STPG2: variants seen among roughly 807,000 people sequenced by gnomAD.
STPG2 encodes the protein sperm-tail PG-rich repeat-containing protein 2.
In STPG2, 56 loss-of-function variants were observed where a neutral mutation model predicts 54.2. The ratio of observed to expected loss-of-function variants is 1.03; its 90% confidence interval spans 0.83 to 1.29. The LOEUF is 1.29. Among genes scored for constraint, STPG2 ranks in the 50% most tolerant of loss-of-function variants. STPG2 has a pLI of 0.00. For synonymous variants in STPG2, 200 were observed against 181.8 expected, an observed-to-expected ratio of 1.10 and a Z score of -0.81; for missense variants, 596 against 544.9, an observed-to-expected ratio of 1.09 and a Z score of -0.93.
chr4:97,922,856 G>T (rs1372794211), intron 8 of STPG2, among the ~76,000 whole-genome samples: 1 of 151,498 alleles, frequency 6.6e-6, no homozygotes, highest in Non-Finnish European at 1.5e-5. Flanking sequence ...TTTTTTCCCG[G>T]TGTCATTATG....
chr4:97,681,008 G>A (rs1204321105), intron 10 of STPG2, among the ~76,000 whole-genome samples: 1 of 151,752 alleles, frequency 6.6e-6, no homozygotes, highest in Admixed American at 6.6e-5. Context: ...TTTTATTTAT[G>A]TTATTTGTGA....
At chr4:97,870,793 A>G (rs1202323744) in intron 8 of STPG2, among the ~76,000 whole-genome samples, 2 of 151,274 alleles carry the variant, frequency 1.3e-5, no homozygotes, top group African/African-American at 4.8e-5. Flanking sequence ...GTAGAAATAA[A>G]CAATACACCA....
intron 4 of STPG2, among the ~76,000 whole-genome samples, chr4:97,498,106 G>A (rs546226642): frequency 6.6e-6 from 1 of 151,848 alleles, no homozygotes; most frequent in African/African-American, 2.4e-5. Context: ...GTGTGATTAG[G>A]GCATTTGTTT....
At chr4:98,095,402 CCA>C (rs1422544250) in intron 5 of STPG2, among the ~76,000 whole-genome samples, 3 of 152,032 alleles carry the variant, frequency 2.0e-5, no homozygotes, top group African/African-American at 7.2e-5. Flanking sequence ...TTTCAAAGAC[CCA>C]GTGTTATGCT....
intron 5 of STPG2, among the ~76,000 whole-genome samples, chr4:98,093,229 C>A (rs1261229005): frequency 6.6e-6 from 1 of 151,992 alleles, no homozygotes; most frequent in Non-Finnish European, 1.5e-5. Context: ...TTGCCAAAGG[C>A]AAGACATTCC....
chr4:97,865,176 T>C (rs190966418), intron 8 of STPG2, among the ~76,000 whole-genome samples: 295 of 151,700 alleles, frequency 1.9e-3, no homozygotes, highest in African/African-American at 7.0e-3. Context: ...TGGGAGAAAA[T>C]TTTTGCAATC....
intron 8 of STPG2, among the ~76,000 whole-genome samples, chr4:97,903,965 G>C (rs745963138): frequency 7.2e-5 from 11 of 152,158 alleles, no homozygotes; most frequent in Admixed American, 2.6e-4. Context: ...ACAGAGTCTC[G>C]CTGATTGCTA....
intron 4 of STPG2, chr4:97,463,653 T>C (rs1441555473): frequency 2.0e-5 from 3 of 152,220 alleles, no homozygotes; most frequent in African/African-American, 7.2e-5. Context: ...TTTCACCATG[T>C]TGGCCAAGCT....
chr4:97,623,622 A>T (rs1382318436), intron 10 of STPG2, among the ~76,000 whole-genome samples: 19 of 152,176 alleles, frequency 1.2e-4, no homozygotes, highest in Admixed American at 3.3e-4. Flanking sequence ...TGGAGAAAAA[A>T]TTTTTAAAAA....
rs570366864 is a variant in STPG2, at chr4:97,910,513, G to A, written c.1044+33384C>T. Among the ~76,000 whole-genome samples, 36 of 152,256 alleles carry A rather than the reference G, an allele frequency of 2.4e-4. 1 individual carries two copies. Among genetic ancestry groups the A allele is most frequent in the Admixed American group, 9.8e-4 (15 of 15,296 alleles). ...AAACAGAACAGAAAAGTACTGTGGCGTTTTTAAGCACCAAATTGACATCTG... is the reference window on the plus strand; with the variant it reads ...AAACAGAACAGAAAAGTACTGTGGCATTTTTAAGCACCAAATTGACATCTG... On this transcript the variant is annotated intron_variant, in intron 8 of 10. Coordinates refer to ENST00000295268, the MANE Select transcript of STPG2 (RefSeq NM_174952.3).
At chr4:97,568,418 G>A (rs1367560033) in intron 10 of STPG2, among the ~76,000 whole-genome samples, 1 of 151,996 alleles carries the variant, frequency 6.6e-6, no homozygotes, top group Non-Finnish European at 1.5e-5. Flanking sequence ...ATAGTGGAAG[G>A]GAGAAAGACA....
chr4:97,619,885 G>C (rs1578429375), intron 10 of STPG2, among the ~76,000 whole-genome samples: 1 of 149,394 alleles, frequency 6.7e-6, no homozygotes, highest in African/African-American at 2.5e-5. Context: ...GTGCAGTGGC[G>C]CAATCTCGGC....
Position 97,971,537 on chromosome 4 carries a change from C to A in STPG2, c.933+743G>T, listed in dbSNP as rs117734471. Among the ~76,000 whole-genome samples, 238 of 152,180 alleles carry A rather than the reference C, an allele frequency of 1.6e-3. 3 individuals carry two copies. In the East Asian group the frequency reaches 0.026, roughly 16 times the overall value. ...GCTGAAAACCATCATTCTCAGCAAA[C>A]TAACACAAGGAAAGACGACCACACA... On this transcript the variant is annotated intron_variant, in intron 7 of 10. Coordinates refer to ENST00000295268, the MANE Select transcript of STPG2 (RefSeq NM_174952.3).
At chr4:97,711,015 AATAT>A (rs1724096899) in intron 10 of STPG2, among the ~76,000 whole-genome samples, 1 of 151,670 alleles carries the variant, frequency 6.6e-6, no homozygotes, top group South Asian at 2.1e-4. Context: ...ATAAAGTATA[AATAT>A]ATAATATTAA....
chr4:97,555,435 A>T (rs556466035), downstream of STPG2, among the ~76,000 whole-genome samples: 2 of 152,138 alleles, frequency 1.3e-5, no homozygotes, highest in East Asian at 1.9e-4. Context: ...TACCAGTAGG[A>T]TCTCCTTAAA....
intron 8 of STPG2, among the ~76,000 whole-genome samples, chr4:97,876,629 C>T (rs1057489163): frequency 6.6e-6 from 1 of 151,976 alleles, no homozygotes; most frequent in Non-Finnish European, 1.5e-5. Context: ...TCATCACATA[C>T]ATAAAAAGCT....
At chr4:98,128,317 CTAAAACGTG>C in intron 3 of STPG2, 102 bp downstream of exon 3, 8 of 1,049,180 alleles carry the variant, frequency 7.6e-6, no homozygotes, top group Non-Finnish European at 1.0e-5. Context: ...GTTCCATTAA[CTAAAACGTG>C]TAATCATTTT....
chr4:97,784,891 T>C (rs1726777092), intron 9 of STPG2, among the ~76,000 whole-genome samples: 1 of 152,048 alleles, frequency 6.6e-6, no homozygotes, highest in Non-Finnish European at 1.5e-5. Context: ...AGAAGTCTTA[T>C]GAGAATTACA....
At chr4:97,538,596 G>A (rs1201751733) in intron 4 of STPG2, among the ~76,000 whole-genome samples, 1 of 152,196 alleles carries the variant, frequency 6.6e-6, no homozygotes, top group Non-Finnish European at 1.5e-5. Context: ...GGGGAGAATG[G>A]AGCCAAGTTG....
Sources: gnomAD v4.1 joint callset for allele counts (sites outside exome capture counted in the v4.1 genomes callset) on GRCh38, gnomAD v4.1.1 for gene constraint, MANE v1.5 for transcripts, NCBI Gene and HGNC (gene_info 2026-07-23, HGNC 2026-07-21) for gene names.